Variants in SLIT3 observed in about 807,000 individuals in gnomAD.
SLIT3 encodes slit guidance ligand 3.
Under a neutral mutation model 184.0 loss-of-function variants are expected in SLIT3, and 68 were observed. The observed-to-expected ratio is 0.37, with a 90% CI of 0.30 to 0.45. SLIT3 has a LOEUF of 0.45. Ranked by LOEUF, SLIT3 falls within the 20% of genes least tolerant of loss-of-function variation. The probability of loss-of-function intolerance (pLI) is 1.00; values close to 1 mark genes in which losing one functional copy is unlikely to be tolerated. For missense variants in SLIT3, 1,707 were observed against 2,026.0 expected, an observed-to-expected ratio of 0.84 and a Z score of 3.02; for synonymous variants, 831 against 828.6, an observed-to-expected ratio of 1.00 and a Z score of -0.05.
At chr5:168,781,786 G>T (rs1301624700) in intron 12 of SLIT3, among the ~76,000 whole-genome samples, 1 of 152,176 alleles carries the variant, frequency 6.6e-6, no homozygotes, top group African/African-American at 2.4e-5. Context: ...CTGTGACTGG[G>T]TGAAGCAGAT....
chr5:169,295,885 A>G (rs1463381697), intron 1 of SLIT3, among the ~76,000 whole-genome samples: 1 of 152,262 alleles, frequency 6.6e-6, no homozygotes, highest in African/African-American at 2.4e-5. Context: ...CAGAGCACTC[A>G]GGATGACGCT....
intron 4 of SLIT3, among the ~76,000 whole-genome samples, chr5:169,064,318 T>C (rs1758275573): frequency 6.6e-6 from 1 of 152,158 alleles, no homozygotes. Flanking sequence ...ATTCTTTGGG[T>C]GGTTGAAATG....
At chr5:168,893,905 G>T (rs1293395664) in intron 4 of SLIT3, among the ~76,000 whole-genome samples, 3 of 152,100 alleles carry the variant, frequency 2.0e-5, no homozygotes, top group Non-Finnish European at 4.4e-5. Context: ...GTGATAATTA[G>T]CAAAAATTAA....
intron 5 of SLIT3, among the ~76,000 whole-genome samples, chr5:168,862,020 C>T (rs1311770234): frequency 1.3e-5 from 2 of 152,154 alleles, no homozygotes; most frequent in Non-Finnish European, 2.9e-5. Context: ...CCAACACTGT[C>T]CTTAGAGAAC....
chr5:169,062,901 A>G (rs1462792576), intron 4 of SLIT3, among the ~76,000 whole-genome samples: 1 of 152,262 alleles, frequency 6.6e-6, no homozygotes, highest in Non-Finnish European at 1.5e-5. Context: ...AGGAATGTCC[A>G]GGAAGGTGAA....
At chr5:168,848,296 T>G (rs1429877879) in intron 5 of SLIT3, among the ~76,000 whole-genome samples, 1 of 152,224 alleles carries the variant, frequency 6.6e-6, no homozygotes, top group East Asian at 1.9e-4. Context: ...TGAGCCCTCC[T>G]GCTGTGACTG....
rs60741424 is a variant in SLIT3, at chr5:168,855,202, AAAT to A, written c.486-10550_486-10548del. On this transcript the variant is annotated intron_variant, in intron 5 of 35. Coordinates refer to ENST00000519560, the MANE Select transcript of SLIT3 (RefSeq NM_003062.4). The stretch of plus-strand genomic sequence containing the variant: ...ACACACACTAGAAAGGCTGTAATTA[AAAT>A]AATGAGAAACAATAAGTGCTCGGTG... 8.0e-3 allele frequency among the ~76,000 whole-genome samples: 1,222 copies of A among 151,868 alleles called. 17 individuals carry two copies. Among genetic ancestry groups the A allele is most frequent in the African/African-American group, 0.028 (1,162 of 41,130 alleles).
intron 4 of SLIT3, among the ~76,000 whole-genome samples, chr5:169,114,429 G>A (rs548089304): frequency 6.6e-6 from 1 of 152,254 alleles, no homozygotes; most frequent in South Asian, 2.1e-4. Flanking sequence ...TGGCTCAAAG[G>A]TCTGTACGCC....
intron 4 of SLIT3, among the ~76,000 whole-genome samples, chr5:168,996,194 T>A (rs1179990063): frequency 6.6e-6 from 1 of 152,156 alleles, no homozygotes; most frequent in East Asian, 1.9e-4. Context: ...GCCTTTGCCC[T>A]TTCAGAGGGA....
At chr5:168,727,975 G>A (rs1763185274) in intron 20 of SLIT3, among the ~76,000 whole-genome samples, 1 of 152,122 alleles carries the variant, frequency 6.6e-6, no homozygotes, top group Non-Finnish European at 1.5e-5. Context: ...GGTCCAGGGA[G>A]GATCTCTTCT....
intron 8 of SLIT3, among the ~76,000 whole-genome samples, chr5:168,811,179 T>A (rs1470217388): frequency 6.6e-6 from 1 of 152,112 alleles, no homozygotes; most frequent in Non-Finnish European, 1.5e-5. Flanking sequence ...GGAGGGGACT[T>A]GCCCAAGGAC....
intron 4 of SLIT3, among the ~76,000 whole-genome samples, chr5:169,141,396 T>G (rs1339102585): frequency 6.6e-6 from 1 of 151,806 alleles, no homozygotes; most frequent in Admixed American, 6.6e-5. Flanking sequence ...CCTCAGAGAC[T>G]GTAAGATTTT....
At chr5:168,830,650 T>C (rs1208585984) in intron 6 of SLIT3, among the ~76,000 whole-genome samples, 1 of 152,192 alleles carries the variant, frequency 6.6e-6, no homozygotes, top group Admixed American at 6.5e-5. Context: ...TCATACATTA[T>C]CTCATTTAAT....
At chr5:169,291,833 AC>A (rs768124165) in intron 1 of SLIT3, among the ~76,000 whole-genome samples, 21 of 151,922 alleles carry the variant, frequency 1.4e-4, no homozygotes, top group Non-Finnish European at 2.8e-4. Context: ...GGCTGGATGA[AC>A]CCTGCCTCTC....
intron 28 of SLIT3, among the ~76,000 whole-genome samples, chr5:168,693,567 T>C (rs1008519779): frequency 2.6e-5 from 4 of 152,110 alleles, no homozygotes; most frequent in Non-Finnish European, 4.4e-5. Flanking sequence ...GATCCGAGTT[T>C]TGGGTTTCCT....
At chr5:169,089,121 G>T (rs754339161) in intron 4 of SLIT3, among the ~76,000 whole-genome samples, 44 of 146,296 alleles carry the variant, frequency 3.0e-4, no homozygotes, top group Non-Finnish European at 2.8e-4. Flanking sequence ...GATGTGCCTA[G>T]GATTCTGATG....
At chr5:169,039,125 T>C (rs546863543) in intron 4 of SLIT3, among the ~76,000 whole-genome samples, 1 of 152,216 alleles carries the variant, frequency 6.6e-6, no homozygotes, top group South Asian at 2.1e-4. Context: ...TGTATACATG[T>C]GCCATATTGT....
At chr5:169,166,904 G>A (rs544287845) in intron 4 of SLIT3, among the ~76,000 whole-genome samples, 1 of 152,248 alleles carries the variant, frequency 6.6e-6, no homozygotes, top group Non-Finnish European at 1.5e-5. Flanking sequence ...GGCGGCTCAC[G>A]CCTGTAATCC....
intron 4 of SLIT3, among the ~76,000 whole-genome samples, chr5:169,110,237 GC>G (rs1760364332): frequency 6.6e-6 from 1 of 152,148 alleles, no homozygotes; most frequent in African/African-American, 2.4e-5. Context: ...GTTGAGTATG[GC>G]CCCAAAGCCA....
Sources: gnomAD v4.1 joint callset for allele counts (sites outside exome capture counted in the v4.1 genomes callset) on GRCh38, gnomAD v4.1.1 for gene constraint, MANE v1.5 for transcripts, NCBI Gene and HGNC (gene_info 2026-07-23, HGNC 2026-07-21) for gene names.